Variants in NYAP2 observed in about 807,000 individuals in gnomAD.
The protein encoded by NYAP2 is neuronal tyrosine-phosphorylated phosphoinositide-3-kinase adaptor 2.
NYAP2 carries 23 observed loss-of-function variants against 50.4 expected under a neutral mutation model. That is an observed-to-expected ratio of 0.46 (90% CI 0.33 to 0.65). The LOEUF is 0.65. NYAP2 is among the 30% of genes least tolerant of loss of function. NYAP2 has a pLI of 0.02. For missense variants in NYAP2, 885 were observed against 861.0 expected, an observed-to-expected ratio of 1.03 and a Z score of -0.35; for synonymous variants, 394 against 365.2, an observed-to-expected ratio of 1.08 and a Z score of -0.90.
At chr2:225,408,069 A>G (rs927507104) in intron 2 of NYAP2, among the ~76,000 whole-genome samples, 2 of 151,956 alleles carry the variant, frequency 1.3e-5, no homozygotes, top group African/African-American at 4.8e-5. Context: ...AGTAATATAT[A>G]CTAGTTGAAA....
intron 3 of NYAP2, among the ~76,000 whole-genome samples, chr2:225,409,847 T>C (rs1036325821): frequency 2.0e-5 from 3 of 152,092 alleles, no homozygotes; most frequent in Admixed American, 6.6e-5. Flanking sequence ...GAGAGACACC[T>C]GTGTCAGATG....
intron 3 of NYAP2, among the ~76,000 whole-genome samples, chr2:225,451,443 C>T (rs930572709): frequency 1.3e-5 from 2 of 152,054 alleles, no homozygotes; most frequent in African/African-American, 4.8e-5. Context: ...ACAAAGTGTT[C>T]TTAATTATAC....
intron 3 of NYAP2, among the ~76,000 whole-genome samples, chr2:225,503,626 A>T (rs1034390854): frequency 1.4e-4 from 22 of 152,194 alleles, no homozygotes; most frequent in Non-Finnish European, 2.2e-4. Context: ...CCTTTATTAT[A>T]ATTAAGCATC....
chr2:225,686,264 T>C, the NYAP2 span, among the ~76,000 whole-genome samples: 1 of 152,204 alleles, frequency 6.6e-6, no homozygotes, highest in Non-Finnish European at 1.5e-5. Flanking sequence ...CATCTTGTAA[T>C]ATGCAAATGT....
At chr2:225,537,214 T>C (rs1465938000) in intron 4 of NYAP2, among the ~76,000 whole-genome samples, 2 of 152,146 alleles carry the variant, frequency 1.3e-5, no homozygotes, top group Non-Finnish European at 1.5e-5. Flanking sequence ...CACAAATAAG[T>C]GAGATCATGT....
chr2:225,408,766 G>C lies in NYAP2; in HGVS notation c.-17-98G>C, dbSNP rs146150273. The C allele has an allele frequency of 2.2e-4, 137 of 636,554 alleles. 2 individuals are homozygous for C. Among genetic ancestry groups the C allele is most frequent in the African/African-American group, 2.1e-3 (117 of 54,632 alleles). The allele number at this position is 636,554 out of a possible 1,614,324, so 39.4% of individuals were successfully genotyped here. On this transcript the variant is annotated intron_variant, in intron 2 of 6. Coordinates refer to ENST00000636099, the Ensembl canonical transcript of NYAP2. ...GAGATATTTTCTCCAATCGGATTTG[G>C]CCATAATTATTGGAGTTTTGAGTTG...
chr2:225,633,563 T>G (rs1340164983), intron 6 of NYAP2, among the ~76,000 whole-genome samples: 2 of 152,210 alleles, frequency 1.3e-5, no homozygotes, highest in African/African-American at 4.8e-5. Context: ...TTGAAGCCCT[T>G]TTGTTCTAAG....
intron 5 of NYAP2, among the ~76,000 whole-genome samples, chr2:225,601,302 G>A (rs1443620816): frequency 1.3e-5 from 2 of 151,938 alleles, no homozygotes; most frequent in East Asian, 3.9e-4. Context: ...TGTATTTTTA[G>A]TAGAGACGGG....
intron 5 of NYAP2, among the ~76,000 whole-genome samples, chr2:225,599,004 T>G (rs1692653565): frequency 6.6e-6 from 1 of 152,192 alleles, no homozygotes; most frequent in Non-Finnish European, 1.5e-5. Flanking sequence ...TAATCTGTGT[T>G]GGTGTAAAAT....
At chr2:225,559,192 T>C (rs1462936489) in intron 4 of NYAP2, among the ~76,000 whole-genome samples, 3 of 152,078 alleles carry the variant, frequency 2.0e-5, no homozygotes, top group Admixed American at 1.3e-4. Flanking sequence ...TGGGGACTTA[T>C]TTGAGTCTTG....
the NYAP2 span, among the ~76,000 whole-genome samples, chr2:225,686,042 T>A: frequency 6.6e-6 from 1 of 152,178 alleles, no homozygotes; most frequent in Admixed American, 6.5e-5. Context: ...CACCTGTATG[T>A]ATGCTCTGTA....
At chr2:225,551,922 C>T (rs1691685486) in intron 4 of NYAP2, among the ~76,000 whole-genome samples, 1 of 152,178 alleles carries the variant, frequency 6.6e-6, no homozygotes, top group Non-Finnish European at 1.5e-5. Flanking sequence ...AAGCAATTCT[C>T]CTGCCTCAGC....
downstream of NYAP2, among the ~76,000 whole-genome samples, chr2:225,654,537 A>G (rs1371793849): frequency 6.6e-6 from 1 of 151,812 alleles, no homozygotes; most frequent in Non-Finnish European, 1.5e-5. Context: ...ACAAAAAATT[A>G]GCTGGACGTG....
chr2:225,648,972 G>A (rs1693684264), intron 6 of NYAP2, among the ~76,000 whole-genome samples: 1 of 152,154 alleles, frequency 6.6e-6, no homozygotes, highest in Non-Finnish European at 1.5e-5. Context: ...TGAGAGAGAG[G>A]TGAAGGAATG....
At chr2:225,486,905 G>C (rs1319753786) in intron 3 of NYAP2, among the ~76,000 whole-genome samples, 1 of 152,298 alleles carries the variant, frequency 6.6e-6, no homozygotes, top group African/African-American at 2.4e-5. Context: ...TTTTAAATGG[G>C]AAGGGCCCTA....
At chr2:225,614,870 T>C (rs754922870) in intron 5 of NYAP2, among the ~76,000 whole-genome samples, 13 of 152,214 alleles carry the variant, frequency 8.5e-5, no homozygotes, top group Non-Finnish European at 1.6e-4. Context: ...TACTGGAATA[T>C]GATTTACTTC....
chr2:225,523,490 C>T (rs141906609), intron 4 of NYAP2, among the ~76,000 whole-genome samples: 202 of 152,014 alleles, frequency 1.3e-3, no homozygotes, highest in African/African-American at 4.7e-3. Flanking sequence ...ATAAAAATAT[C>T]TAGGAATATA....
intron 6 of NYAP2, among the ~76,000 whole-genome samples, chr2:225,638,971 T>G (rs1018400789): frequency 3.9e-5 from 6 of 152,178 alleles, no homozygotes; most frequent in Non-Finnish European, 7.3e-5. Context: ...ATTCATAGTT[T>G]TGATTAATGT....
chr2:225,608,254 G>T (rs1160314778), intron 5 of NYAP2, among the ~76,000 whole-genome samples: 1 of 152,042 alleles, frequency 6.6e-6, no homozygotes, highest in African/African-American at 2.4e-5. Context: ...CGTTGAAAAG[G>T]GTATTTTAGA....
Sources: gnomAD v4.1 joint callset for allele counts (sites outside exome capture counted in the v4.1 genomes callset) on GRCh38, gnomAD v4.1.1 for gene constraint, MANE v1.5 for transcripts, NCBI Gene and HGNC (gene_info 2026-07-23, HGNC 2026-07-21) for gene names.